The following CALCOCO2 variants were observed in gnomAD, a reference collection of about 807,000 sequenced individuals.
CALCOCO2 encodes calcium-binding and coiled-coil domain-containing protein 2.
In CALCOCO2, 42 loss-of-function variants were observed where a neutral mutation model predicts 62.5. That is an observed-to-expected ratio of 0.67 (90% CI 0.53 to 0.87). CALCOCO2 has a LOEUF of 0.87. CALCOCO2 is among the 40% of genes least tolerant of loss of function. CALCOCO2 has a pLI of 0.00. For synonymous variants in CALCOCO2, 167 were observed against 173.0 expected (o/e 0.97, Z 0.27); for missense variants, 456 against 515.0 (o/e 0.89, Z 1.11).
intron 1 of CALCOCO2, among the ~76,000 whole-genome samples, chr17:48,839,670 CTTTTTT>C (rs766846336): frequency 2.6e-4 from 17 of 66,178 alleles, no homozygotes; most frequent in African/African-American, 9.0e-4. Context: ...CTTTGCTTTG[CTTTTTT>C]TTTTTTTTTT....
At chr17:48,854,279 G>A (rs1158987136) in intron 9 of CALCOCO2, among the ~76,000 whole-genome samples, 1 of 113,536 alleles carries the variant, frequency 8.8e-6, no homozygotes, top group East Asian at 3.1e-4. Flanking sequence ...TCGCGCCATT[G>A]CACTCCAGCT....
chr17:48,837,697 C>T (rs1409351913), intron 1 of CALCOCO2, among the ~76,000 whole-genome samples: 1 of 151,912 alleles, frequency 6.6e-6, no homozygotes, highest in Non-Finnish European at 1.5e-5. Flanking sequence ...GAGGATGTGG[C>T]TAAACTGTGT....
intron 10 of CALCOCO2, among the ~76,000 whole-genome samples, 178 bp from the exon 11 acceptor site, chr17:48,860,136 C>T (rs1401411029): frequency 6.6e-6 from 1 of 152,106 alleles, no homozygotes; most frequent in East Asian, 1.9e-4. Context: ...GAACTTAGAT[C>T]TTTGGAATAT....
At position 48,852,961 on chromosome 17, in the gene CALCOCO2, G is replaced by T; in HGVS notation, c.861G>T (p.Glu287Asp). 6.2e-7 allele frequency: 1 copy of T among 1,613,766 alleles called. No individual in the cohort carries two copies. The highest frequency in any genetic ancestry group is 8.5e-7 in the Non-Finnish European group (1 of 1,179,686). ...AGAAGAAGCTCGAGCAGACAGTGGA[G>T]CAAATGAAGCAGAATGAAACTACTG... is the stretch of plus-strand genomic sequence containing the variant. ...KDQKKLEQTV[E>D]QMKQNETTAM... The change falls in exon 9 of 13, where the codon GAG becomes GAT. Residue 287 changes from glutamate to aspartate, a missense_variant. Glu to Asp is a conservative substitution (Grantham distance 45). Coordinates refer to ENST00000258947, the MANE Select transcript of CALCOCO2 (RefSeq NM_005831.5).
chr17:48,846,120 AT>A, intron 2 of CALCOCO2: 2 of 1,088,748 alleles, frequency 1.8e-6, no homozygotes, highest in South Asian at 1.6e-5. Context: ...AACTCTTTTT[AT>A]TTTTTATTTA....
chr17:48,855,970 C>T, intron 9 of CALCOCO2, 122 bp from the exon 10 acceptor site: 1 of 466,462 alleles, frequency 2.1e-6, no homozygotes, highest in Non-Finnish European at 3.9e-6. Flanking sequence ...TTTCTTCCTC[C>T]CAGTTGCGTT....
At chr17:48,859,616 TAAC>T (rs2040297741) in intron 10 of CALCOCO2, among the ~76,000 whole-genome samples, 1 of 151,844 alleles carries the variant, frequency 6.6e-6, no homozygotes, top group South Asian at 2.1e-4. Context: ...AAAACAAATT[TAAC>T]AACAACAATA....
intron 11 of CALCOCO2, among the ~76,000 whole-genome samples, chr17:48,860,788 G>A (rs551325947): frequency 6.6e-6 from 1 of 152,076 alleles, no homozygotes; most frequent in Non-Finnish European, 1.5e-5. Context: ...ATGGTAGCAA[G>A]AGAGGCAAGT....
At position 48,862,975 on chromosome 17, in the gene CALCOCO2, T is replaced by C. The variant is rs751525244; in HGVS notation, c.1311T>C (p.Phe437=). 8 of 1,613,800 alleles carry C rather than the reference T, an allele frequency of 5.0e-6. No individual in the cohort carries two copies. In the South Asian group the frequency reaches 8.8e-5, roughly 18 times the overall value. ...KIFPATEKQI[F]EDHVFCHSL ...TCCCAGCTACAGAGAAGCAGATCTT[T>C]GAAGACCACGTGTTCTGCCACTCTC... Residue 437 remains phenylalanine (F), a synonymous_variant, in exon 13 of 13, where the codon TTT becomes TTC. Coordinates refer to ENST00000258947, the MANE Select transcript of CALCOCO2 (RefSeq NM_005831.5).
rs376233461 is a variant in CALCOCO2, at chr17:48,862,256, A to G, written c.1145-20A>G. On this transcript the variant is annotated intron_variant, in intron 11 of 12. Transcript: ENST00000258947. ...GGATGGTATTTTCTCATTGAATGAG[A>G]TCTTTTTTATTCTTTTCAGGTATCC... is the stretch of plus-strand genomic sequence containing the variant. The G allele has an allele frequency of 7.8e-6, 12 of 1,530,822 alleles. No individual in the cohort carries two copies. In the African/African-American group the frequency reaches 8.2e-5, roughly 10 times the overall value. 94.8% of individuals were successfully genotyped at this position (1,530,822 alleles called of 1,614,324 possible). A position where few individuals can be genotyped will look rare whatever the true frequency, so the allele number is the denominator to read the frequency against.
intron 2 of CALCOCO2, 54 bp downstream of exon 2, chr17:48,841,941 A>G: frequency 7.8e-7 from 1 of 1,285,524 alleles, no homozygotes; most frequent in Non-Finnish European, 1.1e-6. Context: ...ATTCTTAGTT[A>G]CCTAACTGTG....
In CALCOCO2 at chr17:48,849,278, C is replaced by T. The variant is rs1347473188; in HGVS notation, c.444C>T (p.His148=). The T allele has an allele frequency of 6.2e-7, 1 of 1,613,672 alleles. No individual in the cohort carries two copies. Among genetic ancestry groups the T allele is most frequent in the Admixed American group, 1.7e-5 (1 of 60,000 alleles). ...GAGAGGTGGAAGAGATTGAGCAGCACAACAAGGAGCTTTGCAAAGAAAACC... is the reference window on the plus strand; with the variant it reads ...GAGAGGTGGAAGAGATTGAGCAGCATAACAAGGAGCTTTGCAAAGAAAACC... The part of the protein sequence containing the change: ...TQGEVEEIEQ[H]NKELCKENQE... Residue 148 remains histidine (H), a synonymous_variant, in exon 5 of 13, where the codon CAC becomes CAT. Coordinates refer to ENST00000258947, the MANE Select transcript of CALCOCO2 (RefSeq NM_005831.5).
At chr17:48,851,812 A>C in intron 7 of CALCOCO2, 184 bp downstream of exon 7, 2 of 513,922 alleles carry the variant, frequency 3.9e-6, no homozygotes, top group South Asian at 2.8e-5. Context: ...CACCCTACCC[A>C]TGCCCCTGCT....
Position 48,846,135 on chromosome 17 carries a change from T to C in CALCOCO2, c.181-1929T>C, listed in dbSNP as rs1361552662. The C allele has an allele frequency of 9.1e-6, 9 of 988,880 alleles. No homozygotes were observed. In the Admixed American group the frequency reaches 2.5e-4, roughly 27 times the overall value. 61.3% of individuals were successfully genotyped at this position (988,880 alleles called of 1,614,324 possible). On this transcript the variant is annotated intron_variant, in intron 2 of 12. Coordinates refer to ENST00000258947, the MANE Select transcript of CALCOCO2 (RefSeq NM_005831.5). ...AACTCTTTTTATTTTTTATTTATTT[T>C]TTAAAATTTATTTTATTTTGAGACA...
At chr17:48,857,118 C>T (rs1325557302) in intron 10 of CALCOCO2, among the ~76,000 whole-genome samples, 2 of 150,098 alleles carry the variant, frequency 1.3e-5, no homozygotes, top group African/African-American at 4.9e-5. Flanking sequence ...CATGTTCTTG[C>T]TCAGCATCAA....
rs1438602162 is a variant in CALCOCO2, at chr17:48,864,854, G to A, written c.*1849G>A. 1.3e-5 allele frequency: 2 copies of A among 152,146 alleles called. No homozygotes were observed. Among genetic ancestry groups the A allele is most frequent in the African/African-American group, 4.8e-5 (2 of 41,430 alleles). The allele number at this position is 152,146 out of a possible 1,614,324, so 9.4% of individuals were successfully genotyped here. A position where few individuals can be genotyped will look rare whatever the true frequency, so the allele number is the denominator to read the frequency against. Reference sequence around the variant, plus strand: ...ATGTAATAGGGAGATGGTAATAAAGGAGTTTTTCTGGCACATACCCTCCCT... The same window carrying A: ...ATGTAATAGGGAGATGGTAATAAAGAAGTTTTTCTGGCACATACCCTCCCT... On this transcript the variant is annotated 3_prime_UTR_variant, in exon 13 of 13. Coordinates refer to ENST00000258947, the MANE Select transcript of CALCOCO2 (RefSeq NM_005831.5).
intron 9 of CALCOCO2, 29 bp from the exon 10 acceptor site, chr17:48,856,063 C>T: frequency 8.0e-7 from 1 of 1,243,670 alleles, no homozygotes. Context: ...ATATGTGATC[C>T]TAATCCTAAT....
At chr17:48,838,344 G>A (rs760465268) in intron 1 of CALCOCO2, among the ~76,000 whole-genome samples, 13 of 152,006 alleles carry the variant, frequency 8.6e-5, no homozygotes, top group Non-Finnish European at 1.9e-4. Context: ...GTGTGGCGCC[G>A]GGCTGTCTGC....
chr17:48,841,785 C>T lies in CALCOCO2; in HGVS notation c.78C>T (p.Asn26=), dbSNP rs770466837. ...GTCATTTCTCTCAGGTCATCTTTAA[C>T]AGTGTGGAGAAGTTCTACATCCCTG... ...DHCHFSQVIF[N]SVEKFYIPGG... Residue 26 remains asparagine, a synonymous_variant, in exon 2 of 13, where the codon AAC becomes AAT. Transcript: ENST00000258947. 2.5e-6 allele frequency: 4 copies of T among 1,613,204 alleles called. No homozygotes were observed. The highest frequency in any genetic ancestry group is 1.3e-5 in the African/African-American group (1 of 74,890).
Sources: allele counts gnomAD v4.1 joint callset (sites outside exome capture counted in the v4.1 genomes callset), GRCh38; gene constraint gnomAD v4.1.1; transcripts MANE v1.5; gene names NCBI Gene and HGNC (gene_info 2026-07-23, HGNC 2026-07-21).